The following TNFRSF1A variants were observed in gnomAD, a reference collection of about 807,000 sequenced individuals.
TNFRSF1A encodes the protein tumor necrosis factor receptor superfamily member 1A.
In TNFRSF1A, 9 loss-of-function variants were observed where a neutral mutation model predicts 41.6. The observed-to-expected ratio is 0.22, with a 90% CI of 0.13 to 0.38. The LOEUF (loss-of-function observed/expected upper bound fraction) is 0.38, where lower values mean the gene tolerates loss of function less well. Ranked by LOEUF, TNFRSF1A falls within the 10% of genes least tolerant of loss-of-function variation. The probability of loss-of-function intolerance (pLI) is 1.00; values close to 1 mark genes in which losing one functional copy is unlikely to be tolerated. For missense variants in TNFRSF1A, 463 were observed against 591.5 expected (o/e 0.78, Z 2.25); for synonymous variants, 254 against 248.6 (o/e 1.02, Z -0.21).
At chr12:6,338,622 C>A (rs977921671) in intron 1 of TNFRSF1A, among the ~76,000 whole-genome samples, 1 of 150,328 alleles carries the variant, frequency 6.7e-6, no homozygotes, top group African/African-American at 2.5e-5. Context: ...CTCTGTCACC[C>A]AGGGTGAAGT....
In TNFRSF1A at chr12:6,333,823, G is replaced by A. The variant is rs104895219; in HGVS notation, c.236C>T (p.Thr79Met). The A allele has an allele frequency of 6.3e-7, 1 of 1,596,930 alleles. No homozygotes were observed. Among genetic ancestry groups the A allele is most frequent in the Non-Finnish European group, 8.5e-7 (1 of 1,171,158 alleles). Reference sequence around the variant, plus strand: ...GCCGCTCTCACACTCCCTGCAGTCCGTATCCTGCCCCGGGCCTGGACAGTC... The same window carrying A: ...GCCGCTCTCACACTCCCTGCAGTCCATATCCTGCCCCGGGCCTGGACAGTC... ...YNDCPGPGQD[T>M]DCRECESGSF... The change falls in exon 3 of 10, where the codon ACG becomes ATG. Residue 79 changes from threonine to methionine, a missense_variant. Thr to Met is a moderately conservative substitution (Grantham distance 81). This residue lies in a region of TNFRSF1A where 149 missense variants were observed against 239.4 expected (regional missense o/e 0.62). Coordinates refer to ENST00000162749, the MANE Select transcript of TNFRSF1A (RefSeq NM_001065.4). The surrounding 1 kb of genome is among the most constrained non-coding windows in gnomAD (Gnocchi z 6.3).
intron 1 of TNFRSF1A, among the ~76,000 whole-genome samples, chr12:6,336,747 C>T (rs1948125646): frequency 6.6e-6 from 1 of 152,224 alleles, no homozygotes; most frequent in Non-Finnish European, 1.5e-5. Context: ...AGCTCCTCCT[C>T]CCAGTTCAAC....
intron 6 of TNFRSF1A, 26 bp downstream of exon 6, chr12:6,330,827 A>G (rs1442355900): frequency 2.5e-6 from 4 of 1,608,112 alleles, no homozygotes; most frequent in Middle Eastern, 1.7e-4. Context: ...GCAGGTGAGC[A>G]TGGGCACCAG....
chr12:6,339,837 T>TCA (rs1277313207), intron 1 of TNFRSF1A, among the ~76,000 whole-genome samples: 2 of 108,764 alleles, frequency 1.8e-5, no homozygotes, highest in Admixed American at 8.4e-5. Context: ...TCTCTCTCTC[T>TCA]CTCTCACACA....
At chr12:6,340,317 G>C (rs981107496) in intron 1 of TNFRSF1A, among the ~76,000 whole-genome samples, 7 of 152,194 alleles carry the variant, frequency 4.6e-5, no homozygotes, top group African/African-American at 1.7e-4. Context: ...TCAAGACTGT[G>C]ACACCCATTT....
chr12:6,339,870 C>T (rs1417168069), intron 1 of TNFRSF1A, among the ~76,000 whole-genome samples: 2 of 150,574 alleles, frequency 1.3e-5, no homozygotes, highest in Non-Finnish European at 2.9e-5. Flanking sequence ...CACACACACA[C>T]ACACACTGTG....
chr12:6,329,931 C>A lies in TNFRSF1A; in HGVS notation c.904G>T (p.Gly302Cys). The change falls in exon 9 of 10, where the codon GGT (glycine) becomes TGT (cysteine). Residue 302 changes from glycine to cysteine, a missense_variant. By Grantham distance (159) the Gly-to-Cys change is radical (BLOSUM62 -3). Around this residue, in one of 4 missense-constraint regions of TNFRSF1A, gnomAD observed 277 missense variants for 288.8 expected, o/e 0.96. Transcript: ENST00000162749. ...TFTSSSTYTP[G>C]DCPNFAAPRR... The stretch of plus-strand genomic sequence containing the variant: ...GGAGCCGCAAAGTTGGGACAGTCAC[C>A]GGGGGTATAGGTGGAGCTGGAGGTG... 6.4e-7 allele frequency: 1 copy of A among 1,570,932 alleles called. No individual in the cohort carries two copies. Among genetic ancestry groups the A allele is most frequent in the Non-Finnish European group, 8.6e-7 (1 of 1,156,598 alleles).
At chr12:6,332,421 G>A (rs1481727804) in intron 5 of TNFRSF1A, among the ~76,000 whole-genome samples, 5 of 118,368 alleles carry the variant, frequency 4.2e-5, no homozygotes, top group African/African-American at 1.7e-4. Context: ...GTGACAGAGT[G>A]AAACCCTGTC....
chr12:6,331,603 C>A lies in TNFRSF1A; in HGVS notation c.552-677G>T. On this transcript the variant is annotated intron_variant, in intron 5 of 9. Transcript: ENST00000162749. ...CTCTATGGGGTGGTGCTGGAAGGAA[C>A]TTGAGAGAGTGAGTTCCCAGCAGGA... The A allele has an allele frequency of 2.4e-5, 4 of 168,958 alleles. No homozygotes were observed. In the South Asian group the frequency reaches 5.0e-4, roughly 21 times the overall value. The allele number at this position is 168,958 out of a possible 1,614,324, so 10.5% of individuals were successfully genotyped here.
intron 5 of TNFRSF1A, among the ~76,000 whole-genome samples, chr12:6,332,383 A>T (rs1948061268): frequency 6.8e-6 from 1 of 147,756 alleles, no homozygotes; most frequent in South Asian, 2.2e-4. Context: ...AGGCTGAGCC[A>T]CGGTTGCACC....
chr12:6,336,651 C>T (rs887639127), intron 1 of TNFRSF1A, among the ~76,000 whole-genome samples: 2 of 152,202 alleles, frequency 1.3e-5, no homozygotes, highest in Admixed American at 1.3e-4. Flanking sequence ...CCCTGGCTTC[C>T]GCCCATCAGG....
chr12:6,329,384 G>A lies in TNFRSF1A; in HGVS notation c.1296C>T (p.Gly432=), dbSNP rs914051712. 1 of 1,541,772 alleles carries A rather than the reference G, an allele frequency of 6.5e-7. No homozygotes were observed. The highest frequency in any genetic ancestry group is 8.7e-7 in the Non-Finnish European group (1 of 1,151,136). The change falls in exon 10 of 10, where the codon GGC becomes GGT. Residue 432 remains glycine, a synonymous_variant. Transcript: ENST00000162749. ...GCGCCTCCTCGATGTCCTCCAGGCA[G>A]CCCAGCAGGTCCATGTCGCGGAGCA... ...GRVLRDMDLL[G]CLEDIEEALC... is the part of the protein sequence containing the mutation.
Position 6,334,215 on chromosome 12 carries a change from G to A in TNFRSF1A, c.69C>T (p.Tyr23=). ...LVLLELLVGI[Y]PSGVIGLVPH... The stretch of plus-strand genomic sequence containing the variant: ...GGACCAGTCCAATAACCCCTGAGGG[G>A]TATATTCCCACCAACAGCTCCAGGA... Residue 23 remains tyrosine, a synonymous_variant, in exon 2 of 10, where the codon TAC becomes TAT. Coordinates refer to ENST00000162749, the MANE Select transcript of TNFRSF1A (RefSeq NM_001065.4). This position sits in a 1 kb window ranked among gnomAD's most constrained non-coding sequence, Gnocchi z 5.1. 1 of 1,613,836 alleles carries A rather than the reference G, an allele frequency of 6.2e-7. No homozygotes were observed. Among genetic ancestry groups the A allele is most frequent in the Non-Finnish European group, 8.5e-7 (1 of 1,179,838 alleles).
rs745458338 is a variant in TNFRSF1A, at chr12:6,329,827, G to T, written c.1008C>A (p.Asn336Lys). 29 of 1,605,514 alleles carry T rather than the reference G, an allele frequency of 1.8e-5. No homozygotes were observed. Among genetic ancestry groups the T allele is most frequent in the Non-Finnish European group, 2.3e-5 (27 of 1,177,206 alleles). The change falls in exon 9 of 10, where the codon AAC (asparagine) becomes AAA (lysine). Residue 336 changes from asparagine to lysine, a missense_variant. Physicochemically the swap from Asn to Lys is moderately conservative, Grantham distance 94. Coordinates refer to ENST00000162749, the MANE Select transcript of TNFRSF1A (RefSeq NM_001065.4). ...ATALASDPIPNPLQKWEDSAH... is the reference protein window; with the variant it reads ...ATALASDPIPKPLQKWEDSAH... ...CGCTGTCCTCCCACTTCTGAAGGGG[G>T]TTGGGGATGGGGTCGGAGGCGAGGG...
chr12:6,337,455 C>T lies in TNFRSF1A; in HGVS notation c.40-3211G>A, dbSNP rs745307917. 6.6e-5 allele frequency among the ~76,000 whole-genome samples: 10 copies of T among 152,166 alleles called. No homozygotes were observed. The highest frequency in any genetic ancestry group is 1.5e-4 in the Non-Finnish European group (10 of 68,028). On this transcript the variant is annotated intron_variant, in intron 1 of 9. Transcript: ENST00000162749. The surrounding 1 kb of genome is among the most constrained non-coding windows in gnomAD (Gnocchi z 4.6). ...TGAGATCGGCCTTGTGGTCTGACCC[C>T]GATCCAGCCACCTTGCAGGGACCCA...
At position 6,333,331 on chromosome 12, in the gene TNFRSF1A, G is replaced by A. The variant is rs1233348186; in HGVS notation, c.472+36C>T. The A allele has an allele frequency of 1.2e-6, 2 of 1,608,046 alleles. No homozygotes were observed. The highest frequency in any genetic ancestry group is 1.7e-6 in the Non-Finnish European group (2 of 1,177,134). On this transcript the variant is annotated intron_variant, in intron 4 of 9. Transcript: ENST00000162749. The surrounding 1 kb of genome is among the most constrained non-coding windows in gnomAD (Gnocchi z 6.3). ...TGGGGAAGGGGCCAACCCCTGGGGT[G>A]GGGAGAGGGCTTGGCCTCAGGAGAG...
rs762167049 is a variant in TNFRSF1A, at chr12:6,329,739, C to A, written c.1057+39G>T. ...GCGCCTCCCGCGCTCCCCCGGCCCT[C>A]CCCCAGCCTCCTCGTCTCCAGCCGC... is the stretch of plus-strand genomic sequence containing the variant. On this transcript the variant is annotated intron_variant, in intron 9 of 9. Transcript: ENST00000162749. 7 of 1,577,526 alleles carry A rather than the reference C, an allele frequency of 4.4e-6. No homozygotes were observed. The African/African-American group carries it at 6.7e-5, about 15-fold the overall frequency.
chr12:6,333,570 C>A lies in TNFRSF1A; in HGVS notation c.323-54G>T. 6.2e-7 allele frequency: 1 copy of A among 1,612,130 alleles called. No individual in the cohort carries two copies. The highest frequency in any genetic ancestry group is 8.5e-7 in the Non-Finnish European group (1 of 1,178,874). ...TCCTGCATCCTCCTGTCCCTGCATC[C>A]CCTTCCTGACATACCCCTAAGTGTG... is the stretch of plus-strand genomic sequence containing the variant. On this transcript the variant is annotated intron_variant, in intron 3 of 9. Coordinates refer to ENST00000162749, the MANE Select transcript of TNFRSF1A (RefSeq NM_001065.4). The surrounding 1 kb of genome is among the most constrained non-coding windows in gnomAD (Gnocchi z 6.3).
rs1186892329 is a variant in TNFRSF1A, at chr12:6,333,842, G to C, written c.217C>G (p.Pro73Ala). 6.2e-7 allele frequency: 1 copy of C among 1,600,668 alleles called. No individual in the cohort carries two copies. The highest frequency in any genetic ancestry group is 1.1e-5 in the South Asian group (1 of 89,318). The change falls in exon 3 of 10, where the codon CCA (proline) becomes GCA (alanine). Residue 73 changes from proline to alanine, a missense_variant. Pro to Ala is a conservative substitution (Grantham distance 27). Around this residue, in one of 4 missense-constraint regions of TNFRSF1A, gnomAD observed 149 missense variants for 239.4 expected, o/e 0.62. Transcript: ENST00000162749. This position sits in a 1 kb window ranked among gnomAD's most constrained non-coding sequence, Gnocchi z 6.3. The stretch of plus-strand genomic sequence containing the variant: ...CAGTCCGTATCCTGCCCCGGGCCTG[G>C]ACAGTCATTGTACAAGTAGGTTCCT... ...HKGTYLYNDC[P>A]GPGQDTDCRE...
Sources: gnomAD v4.1 joint callset for allele counts (sites outside exome capture counted in the v4.1 genomes callset) on GRCh38, gnomAD v4.1.1 for gene constraint, gnomAD v4.1.1 regional missense constraint, Gnocchi (gnomAD v3.1) non-coding constraint, MANE v1.5 for transcripts, NCBI Gene and HGNC (gene_info 2026-07-23, HGNC 2026-07-21) for gene names.